RBMS1: variants seen among roughly 807,000 people sequenced by gnomAD.
RBMS1 encodes RNA binding motif single stranded interacting protein 1.
A neutral mutation model predicts 62.3 loss-of-function variants in RBMS1; 17 were observed. The observed-to-expected ratio is 0.27, with a 90% CI of 0.19 to 0.41. The LOEUF (loss-of-function observed/expected upper bound fraction) is 0.41, where lower values mean the gene tolerates loss of function less well. Ranked by LOEUF, RBMS1 falls within the 10% of genes least tolerant of loss-of-function variation. RBMS1 has a pLI of 1.00. For missense variants in RBMS1, 334 were observed against 504.5 expected, an observed-to-expected ratio of 0.66 and a Z score of 3.24; for synonymous variants, 172 against 170.0, an observed-to-expected ratio of 1.01 and a Z score of -0.09.
intron 1 of RBMS1, among the ~76,000 whole-genome samples, chr2:160,415,615 C>T (rs896723013): frequency 4.6e-5 from 7 of 152,070 alleles, no homozygotes; most frequent in Non-Finnish European, 7.4e-5. Flanking sequence ...AAACTGTACC[C>T]GGGAAAAACA....
chr2:160,473,768 C>T (rs1232182155), intron 1 of RBMS1, among the ~76,000 whole-genome samples: 1 of 152,204 alleles, frequency 6.6e-6, no homozygotes, highest in East Asian at 1.9e-4. Flanking sequence ...TTTCCACCCC[C>T]TCAACTCTCT....
intron 1 of RBMS1, among the ~76,000 whole-genome samples, chr2:160,424,797 C>T (rs1696578323): frequency 6.6e-6 from 1 of 151,844 alleles, no homozygotes; most frequent in Non-Finnish European, 1.5e-5. Flanking sequence ...TAAAAGGCAG[C>T]AAAGGGATGA....
At chr2:160,331,792 A>C (rs544183681) in intron 2 of RBMS1, among the ~76,000 whole-genome samples, 101 of 152,308 alleles carry the variant, frequency 6.6e-4, no homozygotes, top group African/African-American at 2.3e-3. Flanking sequence ...AAAAGGAAAG[A>C]CTATAAAGCA....
intron 9 of RBMS1, 199 bp downstream of exon 9, chr2:160,284,576 A>G (rs991297316): frequency 1.8e-6 from 1 of 566,236 alleles, no homozygotes; most frequent in Non-Finnish European, 3.2e-6. Context: ...ACTGACAAAC[A>G]TTTTCCTTTG....
At chr2:160,359,205 A>G (rs761128696) in intron 2 of RBMS1, among the ~76,000 whole-genome samples, 1 of 152,176 alleles carries the variant, frequency 6.6e-6, no homozygotes, top group Non-Finnish European at 1.5e-5. Flanking sequence ...ATTAGCCTCT[A>G]ATTTAACCCT....
At chr2:160,286,580 A>G (rs1437551855) in intron 7 of RBMS1, among the ~76,000 whole-genome samples, 1 of 152,102 alleles carries the variant, frequency 6.6e-6, no homozygotes, top group African/African-American at 2.4e-5. Context: ...TTGGCCTCCC[A>G]AAGTGCTAGG....
At position 160,369,445 on chromosome 2, in the gene RBMS1, G is replaced by A. The variant is rs193116863; in HGVS notation, c.76-2054C>T. Among the ~76,000 whole-genome samples, 54 of 152,314 alleles carry A rather than the reference G, an allele frequency of 3.5e-4. No homozygotes were observed. In the East Asian group the frequency reaches 7.7e-3, roughly 22 times the overall value. On this transcript the variant is annotated intron_variant, in intron 1 of 13. Coordinates refer to ENST00000348849, the MANE Select transcript of RBMS1 (RefSeq NM_016836.4). ...TATTTTTCACATCAGTGAGAACAGA[G>A]GTGCTGGAAAGTAGCCCACACACCT...
chr2:160,457,048 C>T (rs10048715), intron 1 of RBMS1, among the ~76,000 whole-genome samples: 32,232 of 151,844 alleles, frequency 0.21, 4,012 homozygotes, highest in Admixed American at 0.37. Context: ...GATTGACAGG[C>T]CTGTGAATTA....
In RBMS1 at chr2:160,443,524, G is replaced by C. The variant is rs559741488; in HGVS notation, c.75+49765C>G. ...TGAGCTCTTGATCTGAGTTCACACC[G>C]AGATCTGGTCATTTAAAAGTGTGTG... On this transcript the variant is annotated intron_variant, in intron 1 of 13. Coordinates refer to ENST00000348849, the MANE Select transcript of RBMS1 (RefSeq NM_016836.4). 7.2e-4 allele frequency among the ~76,000 whole-genome samples: 109 copies of C among 152,008 alleles called. 1 individual carries two copies. The highest frequency in any genetic ancestry group is 2.3e-3 in the African/African-American group (94 of 41,444).
intron 1 of RBMS1, among the ~76,000 whole-genome samples, chr2:160,378,890 A>T (rs1042406641): frequency 1.3e-5 from 2 of 152,228 alleles, no homozygotes; most frequent in African/African-American, 4.8e-5. Flanking sequence ...CAAAGCATAT[A>T]CTTAGATAAA....
chr2:160,353,396 T>C (rs1048330154), intron 2 of RBMS1, among the ~76,000 whole-genome samples: 14 of 152,252 alleles, frequency 9.2e-5, no homozygotes, highest in African/African-American at 3.1e-4. Context: ...CATAATCTAA[T>C]TCAATGCCAA....
intron 1 of RBMS1, among the ~76,000 whole-genome samples, chr2:160,450,521 C>T (rs954632271): frequency 1.8e-5 from 1 of 56,032 alleles, no homozygotes; most frequent in African/African-American, 7.0e-5. Flanking sequence ...GGCTGGGCAA[C>T]AAAAGTGAAA....
chr2:160,416,741 A>G (rs1215323401), intron 1 of RBMS1, among the ~76,000 whole-genome samples: 1 of 152,172 alleles, frequency 6.6e-6, no homozygotes, highest in African/African-American at 2.4e-5. Context: ...TTGCTATACA[A>G]TAATCATTAT....
At chr2:160,368,207 G>C (rs1161958621) in intron 1 of RBMS1, among the ~76,000 whole-genome samples, 1 of 152,160 alleles carries the variant, frequency 6.6e-6, no homozygotes, top group South Asian at 2.1e-4. Flanking sequence ...GAAGTTAAAT[G>C]GCTCAGCTTG....
At chr2:160,439,424 A>G (rs1279568143) in intron 1 of RBMS1, among the ~76,000 whole-genome samples, 5 of 145,318 alleles carry the variant, frequency 3.4e-5, no homozygotes, top group South Asian at 2.2e-4. Flanking sequence ...ACGGGGCGGC[A>G]GGGCAGAGGT....
At chr2:160,373,018 C>T (rs1368282938) in intron 1 of RBMS1, among the ~76,000 whole-genome samples, 2 of 152,096 alleles carry the variant, frequency 1.3e-5, no homozygotes, top group Non-Finnish European at 2.9e-5. Flanking sequence ...AGCTTAAAAT[C>T]ACATAGCTAA....
chr2:160,286,768 A>T (rs1033286787), intron 7 of RBMS1, among the ~76,000 whole-genome samples: 6 of 152,136 alleles, frequency 3.9e-5, no homozygotes, highest in Admixed American at 3.9e-4. Flanking sequence ...CTGGAGAATC[A>T]CTCTGTTATC....
At chr2:160,398,349 G>T (rs1048149182) in intron 1 of RBMS1, among the ~76,000 whole-genome samples, 1 of 152,130 alleles carries the variant, frequency 6.6e-6, no homozygotes, top group Non-Finnish European at 1.5e-5. Context: ...ATATTACCAA[G>T]AATGAAATTT....
chr2:160,327,412 TA>T (rs112565006), intron 2 of RBMS1, among the ~76,000 whole-genome samples: 12 of 152,248 alleles, frequency 7.9e-5, no homozygotes, highest in Admixed American at 4.6e-4. Context: ...ACTATCTCAT[TA>T]AAAATCGCTA....
Sources: gnomAD v4.1 joint callset for allele counts (sites outside exome capture counted in the v4.1 genomes callset) on GRCh38, gnomAD v4.1.1 for gene constraint, MANE v1.5 for transcripts, NCBI Gene and HGNC (gene_info 2026-07-23, HGNC 2026-07-21) for gene names.